Variants in ATP2B2 observed in about 807,000 individuals in gnomAD.
ATP2B2 encodes the protein ATPase plasma membrane Ca2+ transporting 2.
Under a neutral mutation model 120.0 loss-of-function variants are expected in ATP2B2, and 15 were observed. That is an observed-to-expected ratio of 0.12 (90% CI 0.08 to 0.19). ATP2B2 has a LOEUF of 0.19. ATP2B2 is among the 10% of genes least tolerant of loss of function. The pLI is 1.00. For missense variants in ATP2B2, 1,045 were observed against 1,719.8 expected (o/e 0.61, Z 6.94); for synonymous variants, 694 against 700.3 (o/e 0.99, Z 0.14).
chr3:10,419,171 A>G (rs957657841), intron 2 of ATP2B2, among the ~76,000 whole-genome samples: 1 of 152,134 alleles, frequency 6.6e-6, no homozygotes, highest in African/African-American at 2.4e-5. Flanking sequence ...CTTTCTGGGG[A>G]CCAGAGATGG....
At chr3:10,573,105 T>C (rs1460566376) in intron 2 of ATP2B2, among the ~76,000 whole-genome samples, 2 of 151,954 alleles carry the variant, frequency 1.3e-5, no homozygotes, top group Non-Finnish European at 2.9e-5. Flanking sequence ...TGAGATAAAA[T>C]GGTTTTTATT....
intron 6 of ATP2B2, among the ~76,000 whole-genome samples, chr3:10,387,466 C>A (rs764491251): frequency 6.6e-6 from 1 of 152,216 alleles, no homozygotes; most frequent in African/African-American, 2.4e-5. Flanking sequence ...CACAGATCCT[C>A]CCTTTGTGCT....
At chr3:10,424,153 A>C (rs1242920408) in intron 2 of ATP2B2, among the ~76,000 whole-genome samples, 1 of 152,164 alleles carries the variant, frequency 6.6e-6, no homozygotes, top group African/African-American at 2.4e-5. Flanking sequence ...TCATCACTTT[A>C]TACACGGGCC....
intron 10 of ATP2B2, among the ~76,000 whole-genome samples, chr3:10,376,096 G>A (rs757068096): frequency 3.9e-5 from 6 of 152,076 alleles, no homozygotes; most frequent in Non-Finnish European, 7.4e-5. Flanking sequence ...CCTATGACAC[G>A]CCAGGCACAT....
chr3:10,646,563 G>T (rs2125658969), intron 1 of ATP2B2, among the ~76,000 whole-genome samples: 1 of 152,120 alleles, frequency 6.6e-6, no homozygotes, highest in African/African-American at 2.4e-5. Flanking sequence ...CTTAAGAATG[G>T]GGGCCTCTAT....
At chr3:10,390,181 A>T (rs142863071) in intron 5 of ATP2B2, among the ~76,000 whole-genome samples, 97 of 152,136 alleles carry the variant, frequency 6.4e-4, no homozygotes, top group Middle Eastern at 3.4e-3. Flanking sequence ...TGCTTCTGGA[A>T]CTCACTTCTG....
At chr3:10,582,054 G>A (rs997595703) in intron 2 of ATP2B2, among the ~76,000 whole-genome samples, 2 of 152,186 alleles carry the variant, frequency 1.3e-5, no homozygotes, top group African/African-American at 2.4e-5. Context: ...AGCCTGAACC[G>A]CATTTCAATG....
In ATP2B2 at chr3:10,493,672, C is replaced by T. The variant is rs74847898; in HGVS notation, c.-320+11793G>A. Among the ~76,000 whole-genome samples, 355 of 152,242 alleles carry T rather than the reference C, an allele frequency of 2.3e-3. 5 individuals are homozygous for T. The South Asian group carries it at 0.025, about 11-fold the overall frequency. On this transcript the variant is annotated intron_variant, in intron 1 of 22. Transcript: ENST00000360273. ...ATCTGGGGGACCAGTAGGGAAGGCCCCTCCCTTCATCTATTCTACATGCAT... is the reference window on the plus strand; with the variant it reads ...ATCTGGGGGACCAGTAGGGAAGGCCTCTCCCTTCATCTATTCTACATGCAT...
chr3:10,434,148 C>T (rs1245265289), intron 2 of ATP2B2, among the ~76,000 whole-genome samples: 2 of 152,234 alleles, frequency 1.3e-5, no homozygotes, highest in South Asian at 4.1e-4. Context: ...TAGTAAGAAG[C>T]AGAACATCTA....
chr3:10,453,120 C>A (rs1344256372), intron 1 of ATP2B2, among the ~76,000 whole-genome samples: 1 of 152,202 alleles, frequency 6.6e-6, no homozygotes, highest in African/African-American at 2.4e-5. Context: ...ATCTCAGAGA[C>A]GCTGCAAGGC....
At position 10,329,143 on chromosome 3, in the gene ATP2B2, G is replaced by A. The variant is rs1289220868; in HGVS notation, c.3421-18C>T. The A allele has an allele frequency of 6.2e-7, 1 of 1,611,162 alleles. No homozygotes were observed. Among genetic ancestry groups the A allele is most frequent in the South Asian group, 1.1e-5 (1 of 91,018 alleles). Reference sequence around the variant, plus strand: ...ACGCGGATCTGCAAGGGAAGCACAGGGGTCAGGAGCACTGCCCAGGGACCA... The same window carrying A: ...ACGCGGATCTGCAAGGGAAGCACAGAGGTCAGGAGCACTGCCCAGGGACCA... On this transcript the variant is annotated intron_variant, in intron 22 of 22. Coordinates refer to ENST00000360273, the MANE Select transcript of ATP2B2 (RefSeq NM_001001331.4). The surrounding 1 kb of genome is among the most constrained non-coding windows in gnomAD (Gnocchi z 5.9).
chr3:10,345,510 G>A lies in ATP2B2; in HGVS notation c.2577C>T (p.Ser859=), dbSNP rs753846454. 14 of 1,614,122 alleles carry A rather than the reference G, an allele frequency of 8.7e-6. No homozygotes were observed. Among genetic ancestry groups the A allele is most frequent in the Non-Finnish European group, 1.0e-5 (12 of 1,180,046 alleles). Residue 859 remains serine (S), a synonymous_variant, in exon 18 of 23, where the codon AGC becomes AGT. Transcript: ENST00000360273. ...CCCACATCACTGCCTTGACGATGCT[G>A]CTGAAATTGTCGTCTGTCAGGATGA... ...SDIILTDDNF[S]SIVKAVMWGR...
At chr3:10,694,853 C>T (rs2071718372) in intron 1 of ATP2B2, among the ~76,000 whole-genome samples, 1 of 152,128 alleles carries the variant, frequency 6.6e-6, no homozygotes, top group African/African-American at 2.4e-5. Context: ...CCCCCTCCCT[C>T]TCTGCTGACA....
intron 18 of ATP2B2, among the ~76,000 whole-genome samples, chr3:10,345,001 C>G (rs911726126): frequency 6.6e-6 from 1 of 152,190 alleles, no homozygotes. Context: ...CACCTGGATG[C>G]CTGATCCCCC....
intron 3 of ATP2B2, among the ~76,000 whole-genome samples, chr3:10,533,594 A>G (rs1050367819): frequency 1.3e-4 from 20 of 152,298 alleles, no homozygotes; most frequent in African/African-American, 4.8e-4. Flanking sequence ...TGACTACCCC[A>G]GCTCCAACGC....
At chr3:10,481,220 G>A (rs1186374407) in intron 1 of ATP2B2, among the ~76,000 whole-genome samples, 1 of 152,108 alleles carries the variant, frequency 6.6e-6, no homozygotes, top group African/African-American at 2.4e-5. Context: ...CATCTTTTTT[G>A]CTATAAGCTA....
intron 1 of ATP2B2, among the ~76,000 whole-genome samples, chr3:10,464,024 AGACCCTG>A (rs2125247395): frequency 6.6e-6 from 1 of 151,846 alleles, no homozygotes; most frequent in Admixed American, 6.5e-5. Context: ...CCCAGACCCC[AGACCCTG>A]GAACCCCATG....
At chr3:10,364,931 A>G (rs112994973) in intron 12 of ATP2B2, among the ~76,000 whole-genome samples, 355 of 152,306 alleles carry the variant, frequency 2.3e-3, no homozygotes, top group African/African-American at 8.2e-3. Flanking sequence ...CCCAACCTCA[A>G]CAGCTGTAGC....
intron 2 of ATP2B2, among the ~76,000 whole-genome samples, chr3:10,549,326 C>A (rs1402545969): frequency 6.6e-6 from 1 of 152,116 alleles, no homozygotes; most frequent in Non-Finnish European, 1.5e-5. Context: ...TCTGAGAGCT[C>A]CCTGCAGGCA....
Sources: gnomAD v4.1 joint callset for allele counts (sites outside exome capture counted in the v4.1 genomes callset) on GRCh38, gnomAD v4.1.1 for gene constraint, Gnocchi (gnomAD v3.1) non-coding constraint, MANE v1.5 for transcripts, NCBI Gene and HGNC (gene_info 2026-07-23, HGNC 2026-07-21) for gene names.